PHLPP1: variants seen among roughly 807,000 people sequenced by gnomAD.
PHLPP1 encodes the protein PH domain and leucine rich repeat protein phosphatase 1, also known as PH domain leucine-rich repeat-containing protein phosphatase 1.
Under a neutral mutation model 117.2 loss-of-function variants are expected in PHLPP1, and 42 were observed. The observed-to-expected ratio is 0.36, with a 90% CI of 0.28 to 0.46. The LOEUF (loss-of-function observed/expected upper bound fraction) is 0.46, where lower values mean the gene tolerates loss of function less well. Among genes scored for constraint, PHLPP1 ranks in the 20% least tolerant of loss-of-function variants. The pLI, the probability that PHLPP1 is intolerant of heterozygous loss-of-function variation, is 1.00. For synonymous variants in PHLPP1, 1,042 were observed against 970.7 expected (o/e 1.07, Z -1.37); for missense variants, 2,084 against 2,241.9 (o/e 0.93, Z 1.42).
intron 4 of PHLPP1, among the ~76,000 whole-genome samples, chr18:62,873,094 T>C (rs1224405160): frequency 1.3e-5 from 2 of 152,016 alleles, no homozygotes; most frequent in African/African-American, 4.8e-5. Flanking sequence ...CAAAGTGGTA[T>C]ATTTTGGGGT....
intron 8 of PHLPP1, among the ~76,000 whole-genome samples, chr18:62,905,870 A>G (rs951723128): frequency 7.9e-5 from 12 of 152,190 alleles, no homozygotes; most frequent in African/African-American, 2.9e-4. Context: ...AGTGTATTAT[A>G]TTTATTGCGG....
At chr18:62,844,639 C>T (rs1389493453) in intron 3 of PHLPP1, among the ~76,000 whole-genome samples, 1 of 152,146 alleles carries the variant, frequency 6.6e-6, no homozygotes, top group Non-Finnish European at 1.5e-5. Flanking sequence ...GTGTGTATAA[C>T]TCTAGAAGAT....
At chr18:62,954,860 A>G (rs1177765907) in intron 12 of PHLPP1, among the ~76,000 whole-genome samples, 2 of 152,168 alleles carry the variant, frequency 1.3e-5, no homozygotes, top group Non-Finnish European at 2.9e-5. Context: ...TCCTTCATAA[A>G]CTCACTGAGA....
chr18:62,772,674 T>TA (rs1181387279), intron 1 of PHLPP1, among the ~76,000 whole-genome samples: 1 of 151,470 alleles, frequency 6.6e-6, no homozygotes, highest in African/African-American at 2.4e-5. Flanking sequence ...TTACTAAAAA[T>TA]AAAAAAATTA....
In PHLPP1 at chr18:62,838,858, T is replaced by C; in HGVS notation, c.1848T>C (p.Ile616=). 9.9e-6 allele frequency: 16 copies of C among 1,613,902 alleles called. No homozygotes were observed. The highest frequency in any genetic ancestry group is 1.4e-5 in the Non-Finnish European group (16 of 1,179,822). The part of the protein sequence containing the change: ...SSGPQSQTYY[I]CFDTFTEYLR... The stretch of plus-strand genomic sequence containing the variant: ...GACCCCAAAGCCAGACTTACTACAT[T>C]TGCTTTGATACTTTCACAGAATACT... Residue 616 remains isoleucine, a synonymous_variant, in exon 3 of 17, where the codon ATT becomes ATC. Transcript: ENST00000262719.
chr18:62,727,006 T>G (rs1599015018), intron 1 of PHLPP1, among the ~76,000 whole-genome samples: 1 of 151,304 alleles, frequency 6.6e-6, no homozygotes, highest in South Asian at 2.1e-4. Flanking sequence ...GGTAGGTGGA[T>G]CACCTGAGGC....
intron 10 of PHLPP1, among the ~76,000 whole-genome samples, chr18:62,940,814 G>C (rs1055255993): frequency 1.1e-4 from 16 of 152,184 alleles, no homozygotes; most frequent in African/African-American, 3.6e-4. Context: ...GTCTCAAAGT[G>C]AGCACACTTG....
rs147655730 is a variant in PHLPP1 at position 62,852,412 on chromosome 18, C to T, written c.1900-8023C>T. Among the ~76,000 whole-genome samples, 865 of 152,124 alleles carry T rather than the reference C, an allele frequency of 5.7e-3. 13 individuals carry two copies. The highest frequency in any genetic ancestry group is 0.02 in the African/African-American group (822 of 41,520). On this transcript the variant is annotated intron_variant, in intron 3 of 16. Transcript: ENST00000262719. ...TGGCTGGAGTGCAGTGGCCCAATCTCGGCTCACTGCGAGCTCCGCCTCCTG... is the reference window on the plus strand; with the variant it reads ...TGGCTGGAGTGCAGTGGCCCAATCTTGGCTCACTGCGAGCTCCGCCTCCTG...
intron 1 of PHLPP1, among the ~76,000 whole-genome samples, chr18:62,723,503 T>A (rs1910982414): frequency 6.6e-6 from 1 of 152,226 alleles, no homozygotes; most frequent in Non-Finnish European, 1.5e-5. Context: ...CAGGAAGAGA[T>A]TTGTATTTGT....
chr18:62,889,131 G>A (rs564119328), intron 4 of PHLPP1, among the ~76,000 whole-genome samples: 1 of 152,174 alleles, frequency 6.6e-6, no homozygotes, highest in African/African-American at 2.4e-5. Flanking sequence ...GATACGTTCA[G>A]ATCAAGAACT....
At chr18:62,922,779 A>G (rs1289926323) in intron 10 of PHLPP1, among the ~76,000 whole-genome samples, 2 of 152,206 alleles carry the variant, frequency 1.3e-5, no homozygotes, top group Non-Finnish European at 2.9e-5. Context: ...TGATTTTACA[A>G]GGACGTTTCT....
At chr18:62,794,371 C>CTTT (rs34983071) in intron 1 of PHLPP1, among the ~76,000 whole-genome samples, 1 of 142,192 alleles carries the variant, frequency 7.0e-6, no homozygotes. Flanking sequence ...TTAATTATTA[C>CTTT]TTTTTTTTTT....
intron 4 of PHLPP1, among the ~76,000 whole-genome samples, chr18:62,884,245 C>T (rs963871002): frequency 1.3e-5 from 2 of 152,138 alleles, no homozygotes; most frequent in African/African-American, 4.8e-5. Context: ...GTGGAGGGGG[C>T]TATCTCCTAT....
At chr18:62,976,774 C>G (rs1911198563) in intron 16 of PHLPP1, among the ~76,000 whole-genome samples, 1 of 152,184 alleles carries the variant, frequency 6.6e-6, no homozygotes, top group Middle Eastern at 3.2e-3. Flanking sequence ...AAGCTTTCAC[C>G]AGAGTCCACC....
At chr18:62,966,430 G>A (rs994016443) in intron 14 of PHLPP1, among the ~76,000 whole-genome samples, 3 of 148,220 alleles carry the variant, frequency 2.0e-5, no homozygotes, top group Admixed American at 2.0e-4. Context: ...TCTATATTCA[G>A]TAAAATTCAC....
At position 62,894,251 on chromosome 18, in the gene PHLPP1, A is replaced by G. The variant is rs538311553; in HGVS notation, c.2067-760A>G. On this transcript the variant is annotated intron_variant, in intron 4 of 16. Coordinates refer to ENST00000262719, the MANE Select transcript of PHLPP1 (RefSeq NM_194449.4). ...CACTCTGTCGCCCAGGCTACATTCC[A>G]GGAGTGCAATCTCAGCTCACTGCAA... Among the ~76,000 whole-genome samples the G allele has an allele frequency of 1.4e-3, 208 of 152,334 alleles. 1 individual carries two copies. Among genetic ancestry groups the G allele is most frequent in the African/African-American group, 4.9e-3 (205 of 41,582 alleles).
At position 62,715,900 on chromosome 18, in the gene PHLPP1, G is replaced by A; in HGVS notation, c.217G>A (p.Glu73Lys). 1.1e-6 allele frequency: 1 copy of A among 901,830 alleles called. No individual in the cohort carries two copies. Among genetic ancestry groups the A allele is most frequent in the Non-Finnish European group, 1.3e-6 (1 of 750,736 alleles). The allele number at this position is 901,830 out of a possible 1,614,324, so 55.9% of individuals were successfully genotyped here. ...CGGCAGCGGCAGCGGGGCGCGGGAAGAGGCCCCAGGCGAGGCGCCGCCGGG... is the reference window on the plus strand; with the variant it reads ...CGGCAGCGGCAGCGGGGCGCGGGAAAAGGCCCCAGGCGAGGCGCCGCCGGG... ...GNGSGSGARE[E>K]APGEAPPGPL... The change falls in exon 1 of 17, where the codon GAG becomes AAG. Residue 73 changes from glutamate (E) to lysine (K), a missense_variant. By Grantham distance (56) the Glu-to-Lys change is moderately conservative (BLOSUM62 1). Coordinates refer to ENST00000262719, the MANE Select transcript of PHLPP1 (RefSeq NM_194449.4).
At chr18:62,723,524 T>G (rs1910983050) in intron 1 of PHLPP1, among the ~76,000 whole-genome samples, 1 of 152,234 alleles carries the variant, frequency 6.6e-6, no homozygotes, top group African/African-American at 2.4e-5. Flanking sequence ...TGCTCTCTAT[T>G]TCTTCTGAAT....
rs531898858 is a variant in PHLPP1, at chr18:62,737,314, A to G, written c.1576+20055A>G. Among the ~76,000 whole-genome samples the G allele has an allele frequency of 5.3e-5, 8 of 152,270 alleles. No homozygotes were observed. In the East Asian group the frequency reaches 1.5e-3, roughly 29 times the overall value. On this transcript the variant is annotated intron_variant, in intron 1 of 16. Transcript: ENST00000262719. The stretch of plus-strand genomic sequence containing the variant: ...AGGTGATGAGATGAAAAGTGGTAGG[A>G]GATGAGACTAAAAGAGAGGTTGAGG...
Sources: gnomAD v4.1 joint callset for allele counts (sites outside exome capture counted in the v4.1 genomes callset) on GRCh38, gnomAD v4.1.1 for gene constraint, MANE v1.5 for transcripts, NCBI Gene and HGNC (gene_info 2026-07-23, HGNC 2026-07-21) for gene names.